C2orf76: variants seen among roughly 807,000 people sequenced by gnomAD.
The protein encoded by C2orf76 is chromosome 2 open reading frame 76, also known as UPF0538 protein C2orf76.
A neutral mutation model predicts 16.9 loss-of-function variants in C2orf76; 23 were observed. The observed-to-expected ratio is 1.36, with a 90% CI of 0.98 to 1.93. The LOEUF is 1.93. Among genes scored for constraint, C2orf76 ranks in the 30% most tolerant of loss-of-function variants. The pLI is 0.00. For synonymous variants in C2orf76, 48 were observed against 52.3 expected, an observed-to-expected ratio of 0.92 and a Z score of 0.35; for missense variants, 152 against 152.6, an observed-to-expected ratio of 1.00 and a Z score of 0.02.
intron 2 of C2orf76, among the ~76,000 whole-genome samples, chr2:119,322,103 A>C (rs887282326): frequency 6.6e-6 from 1 of 151,862 alleles, no homozygotes; most frequent in African/African-American, 2.4e-5. Flanking sequence ...CTAACAGAGA[A>C]ATGTGTGTAT....
chr2:119,327,117 T>C lies in C2orf76; in HGVS notation c.134-5913A>G, dbSNP rs561591482. Among the ~76,000 whole-genome samples the C allele has an allele frequency of 3.9e-5, 6 of 152,332 alleles. No homozygotes were observed. In the South Asian group the frequency reaches 1.2e-3, roughly 32 times the overall value. On this transcript the variant is annotated intron_variant, in intron 2 of 5. Coordinates refer to ENST00000334816, the MANE Select transcript of C2orf76 (RefSeq NM_001322331.2). ...TTGAATAGCAGTGATGATGAACAGA[T>C]GTCCCTGCTTCCTTATTTTAGGAGG...
intron 2 of C2orf76, among the ~76,000 whole-genome samples, chr2:119,337,288 C>G (rs1178971746): frequency 6.8e-6 from 1 of 147,940 alleles, no homozygotes; most frequent in Non-Finnish European, 1.5e-5. Flanking sequence ...CCTGGCTGGT[C>G]TCAAGCTCCT....
At chr2:119,333,065 C>T (rs1436006631) in intron 2 of C2orf76, among the ~76,000 whole-genome samples, 2 of 152,126 alleles carry the variant, frequency 1.3e-5, no homozygotes, top group Non-Finnish European at 2.9e-5. Flanking sequence ...TTATAAAGTA[C>T]TTAAATTAAA....
At chr2:119,311,935 G>A (rs574820365) in intron 4 of C2orf76, among the ~76,000 whole-genome samples, 48 of 152,228 alleles carry the variant, frequency 3.2e-4, no homozygotes, top group Admixed American at 7.2e-4. Context: ...GTCAGATCAG[G>A]ATGCAAATCC....
intron 2 of C2orf76, among the ~76,000 whole-genome samples, chr2:119,326,306 T>C (rs1679508992): frequency 6.6e-6 from 1 of 152,212 alleles, no homozygotes; most frequent in Admixed American, 6.5e-5. Flanking sequence ...TATCCAATTG[T>C]CCTAATACCT....
intron 2 of C2orf76, among the ~76,000 whole-genome samples, chr2:119,321,707 A>G (rs1679349229): frequency 6.6e-6 from 1 of 152,220 alleles, no homozygotes; most frequent in Admixed American, 6.5e-5. Flanking sequence ...GCATATCACC[A>G]TCTAAAATAT....
At chr2:119,334,233 A>C (rs1344524652) in intron 2 of C2orf76, among the ~76,000 whole-genome samples, 2 of 152,154 alleles carry the variant, frequency 1.3e-5, no homozygotes, top group Non-Finnish European at 2.9e-5. Flanking sequence ...TGGGGAGGGA[A>C]AGGATAAAGA....
chr2:119,283,232 T>C, the C2orf76 span, among the ~76,000 whole-genome samples: 414 of 152,232 alleles, frequency 2.7e-3, 9 homozygotes, highest in Admixed American at 0.024. Context: ...CGCTTAGCAC[T>C]CAGCAAGATC....
At chr2:119,356,474 A>T (rs901712923) in intron 1 of C2orf76, among the ~76,000 whole-genome samples, 2 of 151,726 alleles carry the variant, frequency 1.3e-5, no homozygotes, top group African/African-American at 4.8e-5. Flanking sequence ...TGTGAAGAGG[A>T]AAATGTATAG....
chr2:119,358,091 A>C (rs914158326), intron 1 of C2orf76, among the ~76,000 whole-genome samples: 19 of 152,200 alleles, frequency 1.2e-4, no homozygotes, highest in Non-Finnish European at 2.6e-4. Context: ...AATGGCCTCT[A>C]AGTTTTTAAG....
intron 2 of C2orf76, among the ~76,000 whole-genome samples, chr2:119,332,128 T>C (rs1231266910): frequency 6.6e-6 from 1 of 152,012 alleles, no homozygotes; most frequent in East Asian, 1.9e-4. Context: ...CAAAAATCAA[T>C]AAAGTCTAGA....
chr2:119,316,501 A>G (rs1484287764), intron 4 of C2orf76, among the ~76,000 whole-genome samples: 1 of 152,254 alleles, frequency 6.6e-6, no homozygotes, highest in Admixed American at 6.5e-5. Flanking sequence ...TTTTTTAAAT[A>G]ACATAAATTT....
intron 1 of C2orf76, among the ~76,000 whole-genome samples, chr2:119,350,213 G>GT (rs1198264902): frequency 6.6e-6 from 1 of 151,832 alleles, no homozygotes; most frequent in Non-Finnish European, 1.5e-5. Context: ...CCAAGAAAAT[G>GT]TTTGAGATGT....
In C2orf76 at chr2:119,309,392, CTTTT is replaced by C. The variant is rs1187018262; in HGVS notation, c.304+2226_304+2229del. Reference sequence around the variant, plus strand: ...AGGCTAGTAACTTTTCTTTTTTTCTCTTTTTCTTTTTTTTTTTTTTTTTTTTTTT... The same window carrying C: ...AGGCTAGTAACTTTTCTTTTTTTCTCTCTTTTTTTTTTTTTTTTTTTTTTT... On this transcript the variant is annotated intron_variant, in intron 5 of 5. Coordinates refer to ENST00000334816, the MANE Select transcript of C2orf76 (RefSeq NM_001322331.2). 2.1e-3 allele frequency among the ~76,000 whole-genome samples: 238 copies of C among 112,616 alleles called. 3 individuals are homozygous for C. Among genetic ancestry groups the C allele is most frequent in the African/African-American group, 7.2e-3 (226 of 31,466 alleles). 73.9% of individuals were successfully genotyped at this position (112,616 alleles called of 152,430 possible). A position where few individuals can be genotyped will look rare whatever the true frequency, so the allele number is the denominator to read the frequency against.
At chr2:119,307,430 C>A (rs139876742) in intron 5 of C2orf76, among the ~76,000 whole-genome samples, 4 of 134,126 alleles carry the variant, frequency 3.0e-5, no homozygotes, top group Admixed American at 7.1e-5. Context: ...CAGAGAGAGA[C>A]TCTGTCTTAA....
chr2:119,318,492 C>T (rs1174918550), intron 3 of C2orf76, among the ~76,000 whole-genome samples: 1 of 151,930 alleles, frequency 6.6e-6, no homozygotes. Context: ...TCTGAATTTG[C>T]CCATTATTTT....
At position 119,302,367 on chromosome 2, in the gene C2orf76, T is replaced by C; in HGVS notation, c.*105A>G. On this transcript the variant is annotated 3_prime_UTR_variant, in exon 6 of 6. Coordinates refer to ENST00000334816, the MANE Select transcript of C2orf76 (RefSeq NM_001322331.2). ...TAACCAGATTTTAGCTCAAAGAGTA[T>C]AGCCTGGGATTAATTTTTTAAGATT... is the stretch of plus-strand genomic sequence containing the variant. The C allele has an allele frequency of 1.9e-6, 1 of 532,222 alleles. No homozygotes were observed. The highest frequency in any genetic ancestry group is 3.1e-5 in the East Asian group (1 of 31,940). 33.0% of individuals were successfully genotyped at this position (532,222 alleles called of 1,614,324 possible). A position where few individuals can be genotyped will look rare whatever the true frequency, so the allele number is the denominator to read the frequency against.
chr2:119,338,027 C>T (rs954130747), intron 2 of C2orf76, among the ~76,000 whole-genome samples: 3 of 152,214 alleles, frequency 2.0e-5, no homozygotes, highest in Non-Finnish European at 2.9e-5. Flanking sequence ...ATCCACAATA[C>T]ACACAAAGAT....
intron 2 of C2orf76, among the ~76,000 whole-genome samples, chr2:119,326,254 T>C (rs925070128): frequency 6.6e-6 from 1 of 152,208 alleles, no homozygotes; most frequent in Non-Finnish European, 1.5e-5. Context: ...TTTTTGTATA[T>C]GGTAGGAGGT....
Sources: allele counts gnomAD v4.1 joint callset (sites outside exome capture counted in the v4.1 genomes callset), GRCh38; gene constraint gnomAD v4.1.1; transcripts MANE v1.5; gene names NCBI Gene and HGNC (gene_info 2026-07-23, HGNC 2026-07-21).